MOB3B: variants seen among roughly 807,000 people sequenced by gnomAD.
The protein encoded by MOB3B is MOB kinase activator-like 2B.
Under a neutral mutation model 18.7 loss-of-function variants are expected in MOB3B, and 7 were observed. The observed-to-expected ratio is 0.37, with a 90% CI of 0.21 to 0.70. MOB3B has a LOEUF of 0.70. Ranked by LOEUF, MOB3B falls within the 30% of genes least tolerant of loss-of-function variation. The pLI, the probability that MOB3B is intolerant of heterozygous loss-of-function variation, is 0.52. For synonymous variants in MOB3B, 111 were observed against 99.9 expected (o/e 1.11, Z -0.66); for missense variants, 253 against 281.3 (o/e 0.90, Z 0.72).
intron 1 of MOB3B, among the ~76,000 whole-genome samples, chr9:27,515,424 G>A (rs1427823971): frequency 6.6e-6 from 1 of 152,170 alleles, no homozygotes; most frequent in Non-Finnish European, 1.5e-5. Context: ...CTAGCTCTGT[G>A]ACGTTGGTTA....
chr9:27,436,492 C>T (rs557737344), intron 2 of MOB3B, among the ~76,000 whole-genome samples: 1 of 152,286 alleles, frequency 6.6e-6, no homozygotes, highest in African/African-American at 2.4e-5. Context: ...AGCTCACTGT[C>T]TGGCATGTGT....
At chr9:27,507,612 C>G (rs1196262781) in intron 1 of MOB3B, among the ~76,000 whole-genome samples, 2 of 152,158 alleles carry the variant, frequency 1.3e-5, no homozygotes, top group East Asian at 3.9e-4. Flanking sequence ...GAATTTAATG[C>G]AATACTTTGT....
chr9:27,388,540 CT>C (rs1821679399), intron 2 of MOB3B, among the ~76,000 whole-genome samples: 1 of 151,966 alleles, frequency 6.6e-6, no homozygotes. Flanking sequence ...GCAGTGATTT[CT>C]GAGATTTTGG....
At position 27,455,194 on chromosome 9, in the gene MOB3B, G is replaced by A; in HGVS notation, c.357C>T (p.Asn119=). The change falls in exon 2 of 4, where the codon AAC becomes AAT. Residue 119 remains asparagine (N), a synonymous_variant. Transcript: ENST00000262244. ...PTALPAPQYM[N]LLMDWIEVQI... ...GAACCTCAATCCAATCCATAAGAAG[G>A]TTCATGTACTGGGGAGCTGGCAGCG... 6.2e-7 allele frequency: 1 copy of A among 1,614,092 alleles called. No individual in the cohort carries two copies. Among genetic ancestry groups the A allele is most frequent in the Non-Finnish European group, 8.5e-7 (1 of 1,179,986 alleles).
At chr9:27,473,102 A>G (rs1472533375) in intron 1 of MOB3B, among the ~76,000 whole-genome samples, 1 of 152,204 alleles carries the variant, frequency 6.6e-6, no homozygotes, top group Non-Finnish European at 1.5e-5. Context: ...CTAACCTTGC[A>G]TGGCTTCTAG....
At chr9:27,378,268 T>C in intron 2 of MOB3B, 1 of 448,722 alleles carries the variant, frequency 2.2e-6, no homozygotes, top group East Asian at 7.1e-5. Context: ...TGTGTGTGAC[T>C]GAGAATGAAT....
intron 1 of MOB3B, among the ~76,000 whole-genome samples, chr9:27,487,147 A>ATAAATAAATAAG (rs1819739710): frequency 6.6e-6 from 1 of 150,884 alleles, no homozygotes; most frequent in Non-Finnish European, 1.5e-5. Context: ...AAATAAATAA[A>ATAAATAAATAAG]TAAATAAAAT....
At chr9:27,397,322 C>A (rs891063891) in intron 2 of MOB3B, 1 of 151,542 alleles carries the variant, frequency 6.6e-6, no homozygotes, top group Non-Finnish European at 1.5e-5. Flanking sequence ...AAAAAAAGAT[C>A]ATCAAGATTG....
intron 2 of MOB3B, among the ~76,000 whole-genome samples, chr9:27,415,329 T>C (rs943769158): frequency 6.6e-6 from 1 of 152,174 alleles, no homozygotes; most frequent in African/African-American, 2.4e-5. Flanking sequence ...TTAATTAATG[T>C]CAATTTCCTG....
intron 2 of MOB3B, among the ~76,000 whole-genome samples, chr9:27,424,092 C>T (rs778559207): frequency 3.9e-5 from 6 of 152,228 alleles, no homozygotes; most frequent in East Asian, 1.9e-4. Context: ...TGACTACATA[C>T]GCATCTTAAA....
intron 1 of MOB3B, among the ~76,000 whole-genome samples, chr9:27,510,681 G>C (rs1459499393): frequency 2.0e-5 from 3 of 152,118 alleles, no homozygotes; most frequent in Non-Finnish European, 4.4e-5. Context: ...CCAAATTAGT[G>C]TTTCATGGAG....
chr9:27,498,607 A>G (rs1274488448), intron 1 of MOB3B, among the ~76,000 whole-genome samples: 1 of 152,214 alleles, frequency 6.6e-6, no homozygotes, highest in African/African-American at 2.4e-5. Flanking sequence ...CCACTTAATA[A>G]TGATGCTTAA....
At chr9:27,502,021 T>C (rs1005777741) in intron 1 of MOB3B, among the ~76,000 whole-genome samples, 3 of 152,166 alleles carry the variant, frequency 2.0e-5, no homozygotes, top group Non-Finnish European at 4.4e-5. Context: ...TCTGACCCTG[T>C]TTGTCCTTCC....
rs184338319 is a variant in MOB3B at position 27,424,521 on chromosome 9, C to T, written c.418+30612G>A. Among the ~76,000 whole-genome samples the T allele has an allele frequency of 6.2e-3, 950 of 152,250 alleles. 7 individuals carry two copies. Among genetic ancestry groups the T allele is most frequent in the Non-Finnish European group, 9.3e-3 (635 of 68,022 alleles). On this transcript the variant is annotated intron_variant, in intron 2 of 3. Transcript: ENST00000262244. ...TTATATGAATCAAACCCCAGAACTG[C>T]GAGGAAGATAAACTCTGAGTGATTC...
intron 3 of MOB3B, among the ~76,000 whole-genome samples, chr9:27,332,900 C>T (rs1300981227): frequency 6.6e-6 from 1 of 152,162 alleles, no homozygotes; most frequent in African/African-American, 2.4e-5. Flanking sequence ...GTTAAAGCCT[C>T]TAAGATAGTC....
intron 1 of MOB3B, among the ~76,000 whole-genome samples, chr9:27,462,861 A>T (rs1819315288): frequency 6.6e-6 from 1 of 152,240 alleles, no homozygotes; most frequent in Non-Finnish European, 1.5e-5. Flanking sequence ...GGTGGAGAAC[A>T]CAAAATGGGC....
In MOB3B at chr9:27,489,739, A is replaced by ATGTTTTTTTTTTTTTTTTT. The variant is rs1554652743; in HGVS notation, c.-198-33992_-198-33991insAAAAAAAAAAAAAAAAACA. On this transcript the variant is annotated intron_variant, in intron 1 of 3. Coordinates refer to ENST00000262244, the MANE Select transcript of MOB3B (RefSeq NM_024761.5). ...AAACATCACACCAGATAAGGAAATA[A>ATGTTTTTTTTTTTTTTTTT]TCTTTTTTTTTTTTTGGTCCAACAG... 2.0e-4 allele frequency among the ~76,000 whole-genome samples: 2 copies of ATGTTTTTTTTTTTTTTTTT among 10,066 alleles called. 1 individual carries two copies. The highest frequency in any genetic ancestry group is 7.0e-4 in the Non-Finnish European group (2 of 2,850). The allele number at this position is 10,066 out of a possible 152,430, so 6.6% of individuals were successfully genotyped here.
intron 2 of MOB3B, among the ~76,000 whole-genome samples, chr9:27,396,092 T>C (rs992843929): frequency 5.3e-5 from 8 of 152,288 alleles, no homozygotes; most frequent in African/African-American, 1.9e-4. Context: ...TGCTCAAGAA[T>C]AAATGAATTT....
chr9:27,372,194 T>G (rs1821426229), intron 2 of MOB3B, among the ~76,000 whole-genome samples: 1 of 151,874 alleles, frequency 6.6e-6, no homozygotes, highest in Non-Finnish European at 1.5e-5. Context: ...AGAAAGGAAG[T>G]GCTAATAAAA....
Sources: gnomAD v4.1 joint callset for allele counts (sites outside exome capture counted in the v4.1 genomes callset) on GRCh38, gnomAD v4.1.1 for gene constraint, MANE v1.5 for transcripts, NCBI Gene and HGNC (gene_info 2026-07-23, HGNC 2026-07-21) for gene names.